The following NRXN1 variants were observed in gnomAD, a reference collection of about 807,000 sequenced individuals.
NRXN1 encodes the protein neurexin 1.
NRXN1 carries 39 observed loss-of-function variants against 150.9 expected under a neutral mutation model. The observed-to-expected ratio is 0.26, with a 90% CI of 0.20 to 0.34. NRXN1 has a LOEUF of 0.34. NRXN1 is among the 10% of genes least tolerant of loss of function. The pLI is 1.00. For missense variants in NRXN1, 1,815 were observed against 1,949.9 expected (o/e 0.93, Z 1.30); for synonymous variants, 924 against 757.0 (o/e 1.22, Z -3.62).
chr2:50,787,836 A>T (rs560296881), intron 5 of NRXN1, among the ~76,000 whole-genome samples: 2 of 151,948 alleles, frequency 1.3e-5, no homozygotes, highest in Non-Finnish European at 2.9e-5. Flanking sequence ...GGCACTGGTG[A>T]CCTGCCCTGA....
intron 17 of NRXN1, among the ~76,000 whole-genome samples, chr2:50,451,473 C>G (rs941630586): frequency 2.0e-5 from 3 of 152,214 alleles, no homozygotes; most frequent in Admixed American, 6.5e-5. Context: ...GGTTGTTAGT[C>G]ACATGTATTA....
In NRXN1 at chr2:50,331,425, G is replaced by A. The variant is rs913944141; in HGVS notation, c.3365-94455C>T. Among the ~76,000 whole-genome samples the A allele has an allele frequency of 5.3e-5, 8 of 152,086 alleles. 1 individual carries two copies. Among genetic ancestry groups the A allele is most frequent in the African/African-American group, 1.9e-4 (8 of 41,440 alleles). On this transcript the variant is annotated intron_variant, in intron 17 of 22. Coordinates refer to ENST00000401669, the MANE Select transcript of NRXN1 (RefSeq NM_001330078.2). ...AGAGTGAGATTTAAAAGTTGTGTGT[G>A]TGCATGCATATAACCCTCAAAAGTA...
Position 51,026,459 on chromosome 2 carries a change from G to T in NRXN1, c.772+1043C>A. The T allele has an allele frequency of 6.3e-7, 1 of 1,598,464 alleles. No homozygotes were observed. Among genetic ancestry groups the T allele is most frequent in the African/African-American group, 1.3e-5 (1 of 74,852 alleles). ...GCACCGGCAAAACACACTGAAGACC[G>T]AATTTTATTTCTAAAGAGGAGAAAA... On this transcript the variant is annotated intron_variant, in intron 2 of 22. Coordinates refer to ENST00000401669, the MANE Select transcript of NRXN1 (RefSeq NM_001330078.2).
intron 22 of NRXN1, among the ~76,000 whole-genome samples, chr2:49,942,955 AAAC>A (rs1558550072): frequency 6.6e-6 from 1 of 152,172 alleles, no homozygotes; most frequent in African/African-American, 2.4e-5. Context: ...AAACCAAACC[AAAC>A]CAAAACAAAA....
intron 18 of NRXN1, among the ~76,000 whole-genome samples, chr2:50,204,341 CGTGT>C (rs70946895): frequency 0.051 from 5,655 of 111,306 alleles, 301 homozygotes; most frequent in African/African-American, 0.17. Flanking sequence ...TAAGAAATAC[CGTGT>C]GTGTGTGTGT....
chr2:50,524,126 C>T (rs1423712972), intron 12 of NRXN1, among the ~76,000 whole-genome samples: 1 of 152,078 alleles, frequency 6.6e-6, no homozygotes, highest in African/African-American at 2.4e-5. Flanking sequence ...CCACATAATG[C>T]AAACAAAACA....
At chr2:50,511,982 C>G (rs1195982794) in intron 12 of NRXN1, among the ~76,000 whole-genome samples, 1 of 151,966 alleles carries the variant, frequency 6.6e-6, no homozygotes, top group East Asian at 1.9e-4. Context: ...GATTTTGTCC[C>G]CAGTCTGTCA....
intron 22 of NRXN1, among the ~76,000 whole-genome samples, chr2:49,930,065 G>C (rs766463615): frequency 6.6e-6 from 1 of 152,174 alleles, no homozygotes; most frequent in Non-Finnish European, 1.5e-5. Context: ...AGTGGGTAGA[G>C]AAGTCTACGA....
At chr2:50,217,633 A>AGTC (rs751794489) in intron 18 of NRXN1, among the ~76,000 whole-genome samples, 1 of 152,006 alleles carries the variant, frequency 6.6e-6, no homozygotes, top group Non-Finnish European at 1.5e-5. Context: ...CTAAAGAAAC[A>AGTC]GTCCTAGGAA....
At chr2:50,736,679 T>C (rs1439907706) in intron 5 of NRXN1, among the ~76,000 whole-genome samples, 3 of 152,134 alleles carry the variant, frequency 2.0e-5, no homozygotes, top group Non-Finnish European at 2.9e-5. Flanking sequence ...TGCTGCCATG[T>C]AAGACATGCC....
At chr2:50,614,303 T>C (rs991779150) in intron 8 of NRXN1, among the ~76,000 whole-genome samples, 1 of 152,142 alleles carries the variant, frequency 6.6e-6, no homozygotes, top group Admixed American at 6.6e-5. Context: ...CTGGCATGAT[T>C]TCCAGACATC....
At chr2:50,379,956 C>G (rs541459774) in intron 17 of NRXN1, among the ~76,000 whole-genome samples, 1 of 152,154 alleles carries the variant, frequency 6.6e-6, no homozygotes, top group East Asian at 1.9e-4. Context: ...TTTATTATAA[C>G]AATCCTGATC....
intron 18 of NRXN1, among the ~76,000 whole-genome samples, chr2:50,211,593 C>T (rs980604709): frequency 7.9e-5 from 12 of 151,360 alleles, no homozygotes; most frequent in South Asian, 2.1e-4. Flanking sequence ...TTCATATATA[C>T]TGGAGTCTAT....
intron 5 of NRXN1, among the ~76,000 whole-genome samples, chr2:50,886,859 G>T (rs1396211025): frequency 5.3e-5 from 8 of 151,224 alleles, no homozygotes; most frequent in Non-Finnish European, 7.4e-5. Context: ...AATATTCAAA[G>T]AAATAAATTA....
intron 5 of NRXN1, chr2:50,739,150 C>A (rs9677069): frequency 3.1e-6 from 1 of 324,452 alleles, no homozygotes; most frequent in Non-Finnish European, 6.4e-6. Context: ...TGTCACAAAT[C>A]TGTAGATGTC....
chr2:51,025,973 C>T (rs1295840654), intron 2 of NRXN1, among the ~76,000 whole-genome samples: 1 of 152,114 alleles, frequency 6.6e-6, no homozygotes, highest in Admixed American at 6.5e-5. Context: ...TCCTCCTAAT[C>T]CTGTGAAGGC....
chr2:50,202,537 G>C (rs938345122), intron 18 of NRXN1, among the ~76,000 whole-genome samples: 1 of 151,838 alleles, frequency 6.6e-6, no homozygotes, highest in East Asian at 1.9e-4. Context: ...AAAAAAGGAG[G>C]CAATGGACTT....
Position 50,996,344 on chromosome 2 carries a change from C to G in NRXN1, c.772+31158G>C, listed in dbSNP as rs901137439. 2.6e-5 allele frequency among the ~76,000 whole-genome samples: 4 copies of G among 152,120 alleles called. No homozygotes were observed. In the East Asian group the frequency reaches 7.8e-4, roughly 30 times the overall value. On this transcript the variant is annotated intron_variant, in intron 2 of 22. Transcript: ENST00000401669. ...GGAATAGCTCAGATAGAAACTGGTG[C>G]TGGGGTTAAGGTAAGAAATGATGGG...
chr2:50,447,699 C>T (rs115273212), intron 17 of NRXN1, among the ~76,000 whole-genome samples: 2,716 of 121,342 alleles, frequency 0.022, 168 homozygotes, highest in African/African-American at 0.087. Flanking sequence ...CTGGGAGATT[C>T]CTAGATTTTT....
Sources: gnomAD v4.1 joint callset for allele counts (sites outside exome capture counted in the v4.1 genomes callset) on GRCh38, gnomAD v4.1.1 for gene constraint, MANE v1.5 for transcripts, NCBI Gene and HGNC (gene_info 2026-07-23, HGNC 2026-07-21) for gene names.